ZDHHC11B: variants seen among roughly 807,000 people sequenced by gnomAD.
ZDHHC11B encodes the protein zDHHC palmitoyltransferase 11B (putative), also known as probable palmitoyltransferase ZDHHC11B.
In ZDHHC11B, 17 loss-of-function variants were observed where a neutral mutation model predicts 42.3. The ratio of observed to expected loss-of-function variants is 0.40; its 90% CI spans 0.27 to 0.60. The LOEUF is 0.60. Among genes scored for constraint, ZDHHC11B ranks in the 20% least tolerant of loss-of-function variants. The probability of loss-of-function intolerance (pLI) is 0.41; values close to 1 mark genes in which losing one functional copy is unlikely to be tolerated. For synonymous variants in ZDHHC11B, 123 were observed against 193.5 expected (o/e 0.64, Z 3.02); for missense variants, 262 against 463.2 (o/e 0.57, Z 3.99).
intron 2 of ZDHHC11B, 73 bp from the exon 3 acceptor site, chr5:767,597 T>A (rs1579437698): frequency 8.6e-7 from 1 of 1,163,118 alleles, no homozygotes; most frequent in South Asian, 1.6e-5. Context: ...CCACCCCGCT[T>A]CTCCAGGGGC....
chr5:748,084 A>AT, intron 8 of ZDHHC11B: 1 of 504,620 alleles, frequency 2.0e-6, no homozygotes, highest in Non-Finnish European at 3.4e-6. Context: ...AATAGATTCC[A>AT]TTCCATTTTC....
intron 9 of ZDHHC11B, among the ~76,000 whole-genome samples, chr5:742,742 C>T (rs6555451): frequency 0.34 from 49,256 of 144,794 alleles, 6,029 homozygotes; most frequent in Middle Eastern, 0.43. Flanking sequence ...TTTATTGTGG[C>T]TTTCTAAAAC....
intron 1 of ZDHHC11B, among the ~76,000 whole-genome samples, chr5:777,082 G>A (rs927689948): frequency 2.6e-4 from 40 of 152,010 alleles, no homozygotes; most frequent in Non-Finnish European, 4.9e-4. Context: ...ATGAAGCTGC[G>A]GAGCCCCGCA....
chr5:762,262 C>A (rs2150205987), intron 4 of ZDHHC11B, among the ~76,000 whole-genome samples: 1 of 151,584 alleles, frequency 6.6e-6, no homozygotes, highest in South Asian at 2.1e-4. Context: ...ACAGTCATGC[C>A]AGCTCCAGAT....
intron 12 of ZDHHC11B, among the ~76,000 whole-genome samples, chr5:718,576 G>A (rs1579236076): frequency 6.6e-6 from 1 of 151,352 alleles, no homozygotes; most frequent in Admixed American, 6.6e-5. Flanking sequence ...AGTGCCTGTA[G>A]TCCCAGTTAC....
rs1357828313 is a variant in ZDHHC11B at position 757,894 on chromosome 5, G to T, written c.223-1750C>A. Among the ~76,000 whole-genome samples the T allele has an allele frequency of 1.3e-5, 2 of 151,870 alleles. 1 individual carries two copies. Among genetic ancestry groups the T allele is most frequent in the African/African-American group, 4.8e-5 (2 of 41,316 alleles). ...CCTGGGGGACTCACATGGGGGCCAG[G>T]ACTGGTCAGACACTTGCAGTGGCCA... On this transcript the variant is annotated intron_variant, in intron 4 of 13. Transcript: ENST00000508859.
rs1554025977 is a variant in ZDHHC11B at position 710,573 on chromosome 5, C to CTG, written c.*1715_*1716dup. 5 of 87,032 alleles carry CTG rather than the reference C, an allele frequency of 5.7e-5. No homozygotes were observed. The East Asian group carries it at 1.1e-3, about 19-fold the overall frequency. 5.4% of individuals were successfully genotyped at this position (87,032 alleles called of 1,614,324 possible). Reference sequence around the variant, plus strand: ...AGTACTATGCTCCCATTTCCCAGTACTGTGCTCCCATTTCACAGTACTGTG... The same window carrying CTG: ...AGTACTATGCTCCCATTTCCCAGTACTGTGTGCTCCCATTTCACAGTACTGTG... On this transcript the variant is annotated 3_prime_UTR_variant, in exon 14 of 14. Coordinates refer to ENST00000508859, the MANE Select transcript of ZDHHC11B (RefSeq NM_001351303.2).
At position 722,168 on chromosome 5, in the gene ZDHHC11B, A is replaced by C. The variant is rs374620808; in HGVS notation, c.1059-5303T>G. The stretch of plus-strand genomic sequence containing the variant: ...ATTTTGGTGAAAAGATTCATTAATC[A>C]AGACCAAAAAGCATTACTTATACAA... On this transcript the variant is annotated intron_variant, in intron 12 of 13. Transcript: ENST00000508859. Among the ~76,000 whole-genome samples the C allele has an allele frequency of 1.3e-4, 20 of 151,988 alleles. No individual in the cohort carries two copies. The South Asian group carries it at 4.2e-3, about 32-fold the overall frequency.
intron 1 of ZDHHC11B, among the ~76,000 whole-genome samples, chr5:783,636 A>G (rs1204739071): frequency 4.6e-4 from 47 of 102,062 alleles, no homozygotes; most frequent in South Asian, 6.9e-4. Context: ...CCCAACCCCC[A>G]TCAAAACAAT....
chr5:780,266 A>G (rs538504079), intron 1 of ZDHHC11B, among the ~76,000 whole-genome samples: 177 of 150,284 alleles, frequency 1.2e-3, no homozygotes, highest in African/African-American at 4.3e-3. Flanking sequence ...TCATGACCAC[A>G]TGCCCCAAAG....
chr5:776,388 G>T (rs1410762671), intron 1 of ZDHHC11B, among the ~76,000 whole-genome samples: 4 of 151,826 alleles, frequency 2.6e-5, no homozygotes, highest in African/African-American at 9.7e-5. Flanking sequence ...GAGTGGAGGG[G>T]ATCAGGACCA....
intron 9 of ZDHHC11B, among the ~76,000 whole-genome samples, chr5:744,221 G>C (rs1480241775): frequency 6.7e-6 from 1 of 149,840 alleles, no homozygotes; most frequent in African/African-American, 2.5e-5. Flanking sequence ...GCTCGATTTG[G>C]TTTCCCAAGG....
At chr5:724,628 GC>G (rs1219894425) in intron 12 of ZDHHC11B, among the ~76,000 whole-genome samples, 58 of 137,828 alleles carry the variant, frequency 4.2e-4, no homozygotes, top group African/African-American at 1.6e-3. Context: ...TGCTTTCTCG[GC>G]CTCCCCACAT....
At chr5:760,211 C>T (rs1228482683) in intron 4 of ZDHHC11B, among the ~76,000 whole-genome samples, 1 of 151,800 alleles carries the variant, frequency 6.6e-6, no homozygotes, top group African/African-American at 2.4e-5. Context: ...TGTGGAGGGT[C>T]GACTCGATCC....
rs1459808473 is a variant in ZDHHC11B at position 727,365 on chromosome 5, T to C, written c.1058+3069A>G. 2.0e-5 allele frequency among the ~76,000 whole-genome samples: 3 copies of C among 146,814 alleles called. No homozygotes were observed. The East Asian group carries it at 6.1e-4, about 30-fold the overall frequency. On this transcript the variant is annotated intron_variant, in intron 12 of 13. Transcript: ENST00000508859. Reference sequence around the variant, plus strand: ...CGGAGTTGGGATGCCAGGGAAACGCTATCGGCCACTCTCAAAATGAGGTGT... The same window carrying C: ...CGGAGTTGGGATGCCAGGGAAACGCCATCGGCCACTCTCAAAATGAGGTGT...
intron 12 of ZDHHC11B, among the ~76,000 whole-genome samples, chr5:729,448 C>T (rs201948743): frequency 6.6e-6 from 1 of 150,654 alleles, no homozygotes; most frequent in Non-Finnish European, 1.5e-5. Flanking sequence ...CTGGGACTCC[C>T]TGCAGTGATG....
intron 4 of ZDHHC11B, among the ~76,000 whole-genome samples, chr5:759,853 G>A (rs1237713208): frequency 2.0e-5 from 3 of 151,900 alleles, no homozygotes; most frequent in Admixed American, 6.6e-5. Flanking sequence ...CCGGGTCCCT[G>A]CAGGTGCCGG....
At chr5:747,060 A>C (rs1387579833) in intron 8 of ZDHHC11B, among the ~76,000 whole-genome samples, 1 of 99,604 alleles carries the variant, frequency 1.0e-5, no homozygotes, top group Admixed American at 1.3e-4. Context: ...TAAACCCAAA[A>C]ATATTTAAAT....
rs368518873 is a variant in ZDHHC11B, at chr5:744,727, G to C, written c.900+456C>G. ...CTCTACTAAAAATACAAAAATTAGT[G>C]GGGCGTAGTGGCATACATCTGCGAT... On this transcript the variant is annotated intron_variant, in intron 9 of 13. Transcript: ENST00000508859. Among the ~76,000 whole-genome samples the C allele has an allele frequency of 2.1e-4, 32 of 149,212 alleles. 4 individuals are homozygous for C. Among genetic ancestry groups the C allele is most frequent in the East Asian group, 1.4e-3 (7 of 4,854 alleles).
Sources: allele counts gnomAD v4.1 joint callset (sites outside exome capture counted in the v4.1 genomes callset), GRCh38; gene constraint gnomAD v4.1.1; transcripts MANE v1.5; gene names NCBI Gene and HGNC (gene_info 2026-07-23, HGNC 2026-07-21).